Variants in EPB41 observed in about 807,000 individuals in gnomAD.
EPB41 encodes the protein protein 4.1.
A neutral mutation model predicts 108.0 loss-of-function variants in EPB41; 65 were observed. That is an observed-to-expected ratio of 0.60 (90% CI 0.49 to 0.74). The LOEUF (loss-of-function observed/expected upper bound fraction) is 0.74. EPB41 is among the 30% of genes least tolerant of loss of function. The pLI, the probability that EPB41 is intolerant of heterozygous loss-of-function variation, is 0.00. For synonymous variants in EPB41, 336 were observed against 358.9 expected (o/e 0.94, Z 0.72); for missense variants, 875 against 1,037.0 (o/e 0.84, Z 2.15).
chr1:28,892,688 A>C (rs761625775), intron 1 of EPB41, among the ~76,000 whole-genome samples: 1 of 152,132 alleles, frequency 6.6e-6, no homozygotes, highest in Non-Finnish European at 1.5e-5. Context: ...AACAAGAGGG[A>C]AACTCTGTCT....
intron 11 of EPB41, among the ~76,000 whole-genome samples, chr1:29,050,065 T>G (rs1259555307): frequency 6.6e-6 from 1 of 152,218 alleles, no homozygotes; most frequent in Non-Finnish European, 1.5e-5. Context: ...AGTTAATATC[T>G]TCCATATTTT....
chr1:28,999,304 C>T (rs897600822), intron 4 of EPB41, among the ~76,000 whole-genome samples: 2 of 152,014 alleles, frequency 1.3e-5, no homozygotes, highest in Non-Finnish European at 2.9e-5. Context: ...CAGGAGGGGG[C>T]GCTTGCAGTG....
At chr1:29,030,200 T>C (rs1321559808) in intron 7 of EPB41, among the ~76,000 whole-genome samples, 200 bp from the exon 8 acceptor site, 1 of 152,222 alleles carries the variant, frequency 6.6e-6, no homozygotes, top group Non-Finnish European at 1.5e-5. Flanking sequence ...ATTGTCTTTT[T>C]CTAAGGTATA....
intron 16 of EPB41, among the ~76,000 whole-genome samples, chr1:29,066,830 C>T (rs1031003555): frequency 6.6e-5 from 10 of 151,598 alleles, no homozygotes. Context: ...CCTGCCGCCA[C>T]GCCCAGCTAA....
chr1:28,932,120 GTTTTGTT>G (rs2093780537), intron 1 of EPB41, among the ~76,000 whole-genome samples: 1 of 151,856 alleles, frequency 6.6e-6, no homozygotes, highest in South Asian at 2.1e-4. Flanking sequence ...GTAGTGTTTT[GTTTTGTT>G]TTTTGTTTTT....
At position 29,018,124 on chromosome 1, in the gene EPB41, TTC is replaced by T. The variant is rs2096600339; in HGVS notation, c.906-91_906-90del. On this transcript the variant is annotated intron_variant, in intron 6 of 20. Transcript: ENST00000343067. This position sits in a 1 kb window ranked among gnomAD's most constrained non-coding sequence, Gnocchi z 4.4. ...TTCTTTTCTTCTGTGTCCTTATTTT[TTC>T]TCTCTCTCCCTTTCTGTTTCTCCCC... 6.7e-6 allele frequency: 7 copies of T among 1,037,376 alleles called. No individual in the cohort carries two copies. Among genetic ancestry groups the T allele is most frequent in the Non-Finnish European group, 1.0e-5 (7 of 683,938 alleles). The allele number at this position is 1,037,376 out of a possible 1,614,324, so 64.3% of individuals were successfully genotyped here.
intron 12 of EPB41, among the ~76,000 whole-genome samples, chr1:29,055,053 T>C (rs1208091405): frequency 6.6e-6 from 1 of 151,998 alleles, no homozygotes; most frequent in African/African-American, 2.4e-5. Context: ...ATAATAATAA[T>C]AAATAAACTG....
chr1:28,954,620 ACTAATACTT>A (rs1172730861), intron 1 of EPB41, among the ~76,000 whole-genome samples: 1 of 152,208 alleles, frequency 6.6e-6, no homozygotes, highest in African/African-American at 2.4e-5. Flanking sequence ...CACACAATAT[ACTAATACTT>A]CTACTTTACA....
intron 15 of EPB41, among the ~76,000 whole-genome samples, chr1:29,061,572 G>GTT (rs34413393): frequency 0.018 from 1,179 of 64,036 alleles, 171 homozygotes; most frequent in Admixed American, 0.041. Context: ...CCTGGCCTTT[G>GTT]TTTTTTTTTT....
At chr1:29,000,338 G>A (rs567527526) in intron 4 of EPB41, among the ~76,000 whole-genome samples, 37 of 152,132 alleles carry the variant, frequency 2.4e-4, no homozygotes, top group Non-Finnish European at 2.2e-4. Flanking sequence ...GACCTCAGGC[G>A]ATTCACCCGC....
At chr1:28,890,253 G>A (rs2089977589) in intron 1 of EPB41, among the ~76,000 whole-genome samples, 1 of 151,900 alleles carries the variant, frequency 6.6e-6, no homozygotes, top group Non-Finnish European at 1.5e-5. Context: ...GGCCAGGGTG[G>A]TCTCGAACTC....
Position 28,887,591 on chromosome 1 carries a change from G to A in EPB41, c.-8+381G>A. ...GCCGCCCCCTAGCCCCGCCTTGCCCGGCCCCGCATGCTCCTGCCGGGCCCG... is the reference window on the plus strand; with the variant it reads ...GCCGCCCCCTAGCCCCGCCTTGCCCAGCCCCGCATGCTCCTGCCGGGCCCG... On this transcript the variant is annotated intron_variant, in intron 1 of 16. Coordinates refer to the EPB41 transcript ENST00000347529. This position sits in a 1 kb window ranked among gnomAD's most constrained non-coding sequence, Gnocchi z 4.9. 1 of 985,168 alleles carries A rather than the reference G, an allele frequency of 1.0e-6. No individual in the cohort carries two copies. Among genetic ancestry groups the A allele is most frequent in the Non-Finnish European group, 1.2e-6 (1 of 829,818 alleles). The allele number at this position is 985,168 out of a possible 1,614,324, so 61.0% of individuals were successfully genotyped here.
At chr1:28,893,157 C>T (rs1433106817) in intron 1 of EPB41, among the ~76,000 whole-genome samples, 3 of 152,168 alleles carry the variant, frequency 2.0e-5, no homozygotes, top group East Asian at 3.9e-4. Flanking sequence ...TCACGGCTCA[C>T]TTCAGCCTTG....
At chr1:28,961,657 A>T (rs555777772) in intron 1 of EPB41, among the ~76,000 whole-genome samples, 1 of 152,368 alleles carries the variant, frequency 6.6e-6, no homozygotes, top group East Asian at 1.9e-4. Context: ...GTGTGTGGGA[A>T]TATGTAATAC....
At chr1:29,070,757 A>G (rs1484328148) in intron 16 of EPB41, 12 of 1,170,032 alleles carry the variant, frequency 1.0e-5, no homozygotes, top group Non-Finnish European at 1.3e-5. Flanking sequence ...TTTCTGTCAA[A>G]TGTTACTCTT....
At chr1:29,051,103 TTTTTTTTTTTTTTTG>T (rs1644432006) in intron 11 of EPB41, among the ~76,000 whole-genome samples, 1 of 119,720 alleles carries the variant, frequency 8.4e-6, no homozygotes, top group Admixed American at 8.6e-5. Flanking sequence ...TTTTTTTTTT[TTTTTTTTTTTTTTTG>T]GAGACAGTCT....
chr1:28,926,183 T>TA (rs5773225), intron 1 of EPB41, among the ~76,000 whole-genome samples: 2 of 147,152 alleles, frequency 1.4e-5, no homozygotes, highest in Non-Finnish European at 3.0e-5. Context: ...CCATCTCTAC[T>TA]AAAAAAAAAA....
intron 4 of EPB41, among the ~76,000 whole-genome samples, chr1:29,001,287 G>A (rs779036658): frequency 2.3e-4 from 35 of 152,210 alleles, no homozygotes; most frequent in African/African-American, 7.2e-5. Context: ...CCGAGGTCAC[G>A]CCATTGCACT....
At chr1:28,887,124 G>T, upstream of EPB41, 2 of 829,062 alleles carry the variant, frequency 2.4e-6, no homozygotes, top group Non-Finnish European at 3.5e-6. The surrounding 1 kb of genome is among the most constrained non-coding windows in gnomAD (Gnocchi z 4.9). Context: ...AGGCCCCGGC[G>T]GGGCAAAGTG....
Sources: allele counts gnomAD v4.1 joint callset (sites outside exome capture counted in the v4.1 genomes callset), GRCh38; gene constraint gnomAD v4.1.1; non-coding constraint Gnocchi (gnomAD v3.1); transcripts MANE v1.5; gene names NCBI Gene and HGNC (gene_info 2026-07-23, HGNC 2026-07-21).